NBDY: variants seen among roughly 807,000 people sequenced by gnomAD.
The protein encoded by NBDY is P-body dissociating protein.
Position 56,750,919 on chromosome X carries a change from A to G in NBDY, c.*166+18720A>G, listed in dbSNP as rs182913947. 2.7e-5 allele frequency among the ~76,000 whole-genome samples: 3 copies of G among 111,737 alleles called. No homozygotes were observed. The Admixed American group carries it at 2.8e-4, about 11-fold the overall frequency. On this transcript the variant is annotated intron_variant, in intron 2 of 2. Transcript: ENST00000374922. ...ACTGACTCTTGGCACAGCCTTTAGA[A>G]TAGCCTCTAAAATAAATATCTGATC...
chrX:56,791,244 G>A (rs751987695), intron 2 of NBDY, among the ~76,000 whole-genome samples: 1 of 112,189 alleles, frequency 8.9e-6, no homozygotes, highest in East Asian at 2.8e-4. Flanking sequence ...TGGGGGAGGG[G>A]TCACCCTTAG....
chrX:56,812,669 G>A (rs2069893018), intron 2 of NBDY, among the ~76,000 whole-genome samples: 1 of 111,025 alleles, frequency 9.0e-6, no homozygotes, highest in African/African-American at 3.3e-5. Flanking sequence ...CCTTTCACCC[G>A]GACGTCACTC....
At chrX:56,755,993 G>T (rs2146720692) in intron 2 of NBDY, among the ~76,000 whole-genome samples, 1 of 105,615 alleles carries the variant, frequency 9.5e-6, no homozygotes, top group East Asian at 3.0e-4. Context: ...CCTTTGTAGG[G>T]ACATGGATGA....
chrX:56,735,930 A>G (rs2069487235), intron 2 of NBDY, among the ~76,000 whole-genome samples: 1 of 105,238 alleles, frequency 9.5e-6, no homozygotes, highest in Non-Finnish European at 2.0e-5. Flanking sequence ...AGGTTTAGAA[A>G]AATAATCTGA....
At chrX:56,731,446 C>T (rs965404651) in intron 1 of NBDY, among the ~76,000 whole-genome samples, 1 of 107,512 alleles carries the variant, frequency 9.3e-6, no homozygotes, top group African/African-American at 3.4e-5. Flanking sequence ...TGTTGTGTGC[C>T]TATAATCCCA....
intron 2 of NBDY, among the ~76,000 whole-genome samples, chrX:56,803,301 C>T (rs1237814206): frequency 8.9e-6 from 1 of 111,816 alleles, no homozygotes; most frequent in Non-Finnish European, 1.9e-5. Flanking sequence ...GGGCAGGAGT[C>T]GTCCCGCCCA....
intron 2 of NBDY, among the ~76,000 whole-genome samples, chrX:56,752,945 T>C (rs907303575): frequency 1.8e-5 from 2 of 112,436 alleles, no homozygotes; most frequent in African/African-American, 6.5e-5. Flanking sequence ...AGAAAGCCTA[T>C]GATTATTTGG....
intron 2 of NBDY, among the ~76,000 whole-genome samples, chrX:56,786,652 T>C (rs773270570): frequency 9.1e-6 from 1 of 110,116 alleles, no homozygotes; most frequent in South Asian, 4.0e-4. Context: ...CTTTTTCTTC[T>C]TCTTCTTCTT....
At chrX:56,759,714 G>C (rs1014274735) in intron 2 of NBDY, among the ~76,000 whole-genome samples, 2 of 111,630 alleles carry the variant, frequency 1.8e-5, no homozygotes, top group African/African-American at 3.3e-5. Flanking sequence ...TGAAGCAGGA[G>C]GAGAGAGGAA....
chrX:56,759,866 C>T lies in NBDY; in HGVS notation c.*166+27667C>T, dbSNP rs909217570. Among the ~76,000 whole-genome samples, 7 of 111,992 alleles carry T rather than the reference C, an allele frequency of 6.3e-5. No homozygotes were observed. The East Asian group carries it at 8.5e-4, about 14-fold the overall frequency. On this transcript the variant is annotated intron_variant, in intron 2 of 2. Coordinates refer to ENST00000374922, the MANE Select transcript of NBDY (RefSeq NM_001348129.2). ...AGGGACTTCCAAGCATGAATCGCCC[C>T]GCCCCCAGCACCCCGAAGTTCCTTT...
Position 56,742,324 on chromosome X carries a change from G to T in NBDY, c.*166+10125G>T, listed in dbSNP as rs2069535580. ...CTTTGGTTATTCTGGGTCTTTTGTG[G>T]CTCCATATAAATTTTAGGATTGTTT... On this transcript the variant is annotated intron_variant, in intron 2 of 2. Transcript: ENST00000374922. Among the ~76,000 whole-genome samples the T allele has an allele frequency of 5.4e-5, 6 of 111,583 alleles. No individual in the cohort carries two copies. In the Admixed American group the frequency reaches 5.7e-4, roughly 11 times the overall value.
At position 56,730,473 on chromosome X, in the gene NBDY, T is replaced by C. The variant is rs761126290; in HGVS notation, c.*29+884T>C. ...TTGCAGTGAGCCGAGATCGCGCCATTGCTCTCCAGCCTGGGCGACAATAGC... is the reference window on the plus strand; with the variant it reads ...TTGCAGTGAGCCGAGATCGCGCCATCGCTCTCCAGCCTGGGCGACAATAGC... On this transcript the variant is annotated intron_variant, in intron 1 of 2. Transcript: ENST00000374922. Among the ~76,000 whole-genome samples, 6 of 83,332 alleles carry C rather than the reference T, an allele frequency of 7.2e-5. No homozygotes were observed. The South Asian group carries it at 3.2e-3, about 45-fold the overall frequency. The allele number at this position is 83,332 out of a possible 115,157, so 72.4% of individuals were successfully genotyped here. A position where few individuals can be genotyped will look rare whatever the true frequency, so the allele number is the denominator to read the frequency against.
chrX:56,783,015 T>C (rs1240363129), intron 2 of NBDY, among the ~76,000 whole-genome samples: 1 of 112,381 alleles, frequency 8.9e-6, no homozygotes, highest in East Asian at 2.8e-4. Flanking sequence ...AAGCTCACAC[T>C]AGTACAAATG....
At chrX:56,785,212 G>A (rs1311718454) in intron 2 of NBDY, among the ~76,000 whole-genome samples, 1 of 111,044 alleles carries the variant, frequency 9.0e-6, no homozygotes, top group African/African-American at 3.3e-5. Flanking sequence ...CAACAAATGC[G>A]GATTCTTTTT....
chrX:56,736,206 A>AC (rs2069490318), intron 2 of NBDY, among the ~76,000 whole-genome samples: 1 of 111,796 alleles, frequency 8.9e-6, no homozygotes, highest in South Asian at 3.7e-4. Context: ...CCACACTCTC[A>AC]CCTCCACCAA....
chrX:56,731,215 G>A (rs1158994130), intron 1 of NBDY, among the ~76,000 whole-genome samples: 1 of 110,312 alleles, frequency 9.1e-6, no homozygotes, highest in Non-Finnish European at 1.9e-5. Flanking sequence ...ATTCAAAGGG[G>A]TAGTGGAGTG....
intron 2 of NBDY, among the ~76,000 whole-genome samples, chrX:56,741,085 T>C (rs2069530160): frequency 9.0e-6 from 1 of 111,459 alleles, no homozygotes; most frequent in East Asian, 2.8e-4. Flanking sequence ...AGTGAGAACA[T>C]GTGATGTTTG....
At chrX:56,755,935 T>C (rs1378520510) in intron 2 of NBDY, among the ~76,000 whole-genome samples, 1 of 104,123 alleles carries the variant, frequency 9.6e-6, no homozygotes, top group African/African-American at 3.5e-5. Context: ...ATGTGGCACA[T>C]ATACACCATG....
chrX:56,748,961 C>T (rs2069570249), intron 2 of NBDY, among the ~76,000 whole-genome samples: 1 of 107,183 alleles, frequency 9.3e-6, no homozygotes, highest in Non-Finnish European at 1.9e-5. Context: ...TAGGAACTTG[C>T]AGTTTTATTG....
Sources: gnomAD v4.1 joint callset for allele counts (sites outside exome capture counted in the v4.1 genomes callset) on GRCh38, gnomAD v4.1.1 for gene constraint, MANE v1.5 for transcripts, NCBI Gene and HGNC (gene_info 2026-07-23, HGNC 2026-07-21) for gene names.